Variants in KMT2D observed in about 807,000 individuals in gnomAD.
KMT2D encodes lysine methyltransferase 2D.
A neutral mutation model predicts 512.7 loss-of-function variants in KMT2D; 55 were observed. That is an observed-to-expected ratio of 0.11 (90% CI 0.09 to 0.13). KMT2D has a LOEUF of 0.13. Among genes scored for constraint, KMT2D ranks in the 10% least tolerant of loss-of-function variants. KMT2D has a pLI of 1.00. For missense variants in KMT2D, 6,061 were observed against 7,127.9 expected (o/e 0.85, Z 5.39); for synonymous variants, 2,995 against 2,904.0 (o/e 1.03, Z -1.01).
At position 49,051,000 on chromosome 12, in the gene KMT2D, G is replaced by A. The variant is rs2120661485; in HGVS notation, c.2683C>T (p.Leu895Phe). ...PPGEPSLSPL[L>F]GEPALSEPGE... Reference sequence around the variant, plus strand: ...GGCTCAGACAGGGCTGGCTCTCCAAGCAAGGGAGATAAGGATGGTTCCCCA... The same window carrying A: ...GGCTCAGACAGGGCTGGCTCTCCAAACAAGGGAGATAAGGATGGTTCCCCA... The change falls in exon 11 of 55, where the codon CTT (leucine) becomes TTT (phenylalanine). Residue 895 changes from leucine to phenylalanine, a missense_variant. Around this residue, in one of 16 missense-constraint regions of KMT2D, gnomAD observed 848 missense variants for 838.5 expected, o/e 1.01. Coordinates refer to ENST00000301067, the MANE Select transcript of KMT2D (RefSeq NM_003482.4). 2 of 1,571,778 alleles carry A rather than the reference G, an allele frequency of 1.3e-6. No individual in the cohort carries two copies. The highest frequency in any genetic ancestry group is 2.7e-5 in the African/African-American group (2 of 73,604).
Position 49,042,409 on chromosome 12 carries a change from C to T in KMT2D, c.5868-79G>A. On this transcript the variant is annotated intron_variant, in intron 28 of 54. Coordinates refer to ENST00000301067, the MANE Select transcript of KMT2D (RefSeq NM_003482.4). The surrounding 1 kb of genome is among the most constrained non-coding windows in gnomAD (Gnocchi z 4.4). ...AGACAAACTGCCTAGAGCCCCAGGC[C>T]ACTGCCCTGCCCCAAAAGAGGAGGG... 2.0e-6 allele frequency: 3 copies of T among 1,496,992 alleles called. No individual in the cohort carries two copies. The highest frequency in any genetic ancestry group is 2.7e-6 in the Non-Finnish European group (3 of 1,118,308). The allele number at this position is 1,496,992 out of a possible 1,614,324, so 92.7% of individuals were successfully genotyped here.
rs781467355 is a variant in KMT2D at position 49,027,265 on chromosome 12, G to C, written c.14701C>G (p.Leu4901Val). The C allele has an allele frequency of 4.2e-5, 66 of 1,555,520 alleles. No homozygotes were observed. Among genetic ancestry groups the C allele is most frequent in the Non-Finnish European group, 5.5e-5 (64 of 1,154,000 alleles). Residue 4901 changes from leucine (L) to valine (V), a missense_variant, in exon 49 of 55, where the codon CTG (leucine) becomes GTG (valine). Around this residue, in one of 16 missense-constraint regions of KMT2D, gnomAD observed 1,600 missense variants for 1,754.9 expected, o/e 0.91. Coordinates refer to ENST00000301067, the MANE Select transcript of KMT2D (RefSeq NM_003482.4). ...QHSYTYNVSN[L>V]DVRQLSAPPP... ...GGGGCCGAGAGCTGTCGCACATCCAGATTGGAGACATTGTAGGTATAGCTG... is the reference window on the plus strand; with the variant it reads ...GGGGCCGAGAGCTGTCGCACATCCACATTGGAGACATTGTAGGTATAGCTG...
Position 49,039,844 on chromosome 12 carries a change from G to C in KMT2D, c.7926C>G (p.Val2642=), listed in dbSNP as rs368249592. 1 of 1,614,014 alleles carries C rather than the reference G, an allele frequency of 6.2e-7. No individual in the cohort carries two copies. The highest frequency in any genetic ancestry group is 2.2e-5 in the East Asian group (1 of 44,876). ...CAGTCCCTGGGTCTTCTCGCTTTTC[G>C]ACAGGAGAGGTGATGCCTGATCGCT... ...ASQRSGITSP[V]EKREDPGTGM... Residue 2642 remains valine (V), a synonymous_variant, in exon 32 of 55, where the codon GTC becomes GTG. Coordinates refer to ENST00000301067, the MANE Select transcript of KMT2D (RefSeq NM_003482.4). The surrounding 1 kb of genome is among the most constrained non-coding windows in gnomAD (Gnocchi z 5.0).
chr12:49,021,132 G>GGCTTGCCCA lies in KMT2D; in HGVS notation c.*639_*647dup, dbSNP rs1230398763. The GGCTTGCCCA allele has an allele frequency of 1.5e-5, 3 of 198,984 alleles. No individual in the cohort carries two copies. The highest frequency in any genetic ancestry group is 3.1e-5 in the Non-Finnish European group (3 of 96,198). The allele number at this position is 198,984 out of a possible 1,614,324, so 12.3% of individuals were successfully genotyped here. On this transcript the variant is annotated 3_prime_UTR_variant, in exon 55 of 55. Transcript: ENST00000301067. ...GTGTGGGTGCGGGGTCTCCTTGCCC[G>GGCTTGCCCA]GCTTGCCCAGCTTGCCCTCCTAGGC... is the stretch of plus-strand genomic sequence containing the variant.
chr12:49,058,363 T>C (rs559495647), intron 1 of KMT2D, among the ~76,000 whole-genome samples: 1 of 152,328 alleles, frequency 6.6e-6, no homozygotes, highest in South Asian at 2.1e-4. Context: ...ACCTCTCACC[T>C]TTCAGAAATC....
chr12:49,056,506 TAGA>T lies in KMT2D; in HGVS notation c.-37-1148_-37-1146del, dbSNP rs137907153. ...CACGAAGAATAGGAAAGGGATTCTA[TAGA>T]AGGAGGGAGAAAGTGGTAAGTGTTA... On this transcript the variant is annotated intron_variant, in intron 1 of 54. Transcript: ENST00000301067. Among the ~76,000 whole-genome samples the T allele has an allele frequency of 5.4e-3, 824 of 152,182 alleles. 3 individuals are homozygous for T. The highest frequency in any genetic ancestry group is 1.0e-2 in the Non-Finnish European group (678 of 68,014).
chr12:49,058,526 C>T (rs1938546659), intron 1 of KMT2D, among the ~76,000 whole-genome samples: 1 of 152,158 alleles, frequency 6.6e-6, no homozygotes, highest in African/African-American at 2.4e-5. Context: ...GCAGTCCCAG[C>T]CCAAGCAAGG....
In KMT2D at chr12:49,019,932, A is replaced by C. The variant is rs1942226828; in HGVS notation, c.*1848T>G. ...CCGCCCGTCCACCACCACCAAGCCC[A>C]CCCCTACACTCCAGACATCTGATTC... On this transcript the variant is annotated 3_prime_UTR_variant, in exon 55 of 55. Coordinates refer to ENST00000301067, the MANE Select transcript of KMT2D (RefSeq NM_003482.4). The C allele has an allele frequency of 4.5e-6, 1 of 222,168 alleles. No homozygotes were observed. Among genetic ancestry groups the C allele is most frequent in the Non-Finnish European group, 8.9e-6 (1 of 112,080 alleles). The allele number at this position is 222,168 out of a possible 1,614,324, so 13.8% of individuals were successfully genotyped here.
At chr12:49,057,550 A>G (rs1409784818) in intron 1 of KMT2D, among the ~76,000 whole-genome samples, 1 of 152,192 alleles carries the variant, frequency 6.6e-6, no homozygotes, top group Non-Finnish European at 1.5e-5. Flanking sequence ...GCCATGGAAG[A>G]TGAGAGATTA....
intron 54 of KMT2D, 33 bp from the exon 55 acceptor site, chr12:49,021,905 TC>T: frequency 6.3e-7 from 1 of 1,590,162 alleles, no homozygotes; most frequent in Non-Finnish European, 8.6e-7. Flanking sequence ...TCAATGCTAG[TC>T]CCCCACAGGA....
rs1367511181 is a variant in KMT2D, at chr12:49,019,072, G to A, written c.*2708C>T. ...CCTTTGCCTCTCGCAACATAAATAT[G>A]TACAGTTCAGAATGATCGCTGATAC... On this transcript the variant is annotated 3_prime_UTR_variant, in exon 55 of 55. Transcript: ENST00000301067. The A allele has an allele frequency of 3.8e-6, 5 of 1,318,820 alleles. No individual in the cohort carries two copies. The highest frequency in any genetic ancestry group is 3.6e-5 in the Admixed American group (1 of 28,088). The allele number at this position is 1,318,820 out of a possible 1,614,324, so 81.7% of individuals were successfully genotyped here. A position where few individuals can be genotyped will look rare whatever the true frequency, so the allele number is the denominator to read the frequency against.
In KMT2D at chr12:49,026,260, T is replaced by C. The variant is rs2137715019; in HGVS notation, c.15706A>G (p.Asn5236Asp). 6.2e-7 allele frequency: 1 copy of C among 1,607,182 alleles called. No individual in the cohort carries two copies. Among genetic ancestry groups the C allele is most frequent in the Non-Finnish European group, 8.5e-7 (1 of 1,174,058 alleles). Residue 5236 changes from asparagine (N) to aspartate (D), a missense_variant, in exon 49 of 55, where the codon AAC becomes GAC. By Grantham distance (23) the Asn-to-Asp change is conservative. This residue lies in a region of KMT2D where 261 missense variants were observed against 440.7 expected (regional missense o/e 0.59). Coordinates refer to ENST00000301067, the MANE Select transcript of KMT2D (RefSeq NM_003482.4). This position sits in a 1 kb window ranked among gnomAD's most constrained non-coding sequence, Gnocchi z 9.6. ...TTGATTACAAACTCCGGCCGCCCGT[T>C]GTTCTCACCAATAGAACAGCGATAG... Reference protein sequence around the residue: ...CCYRCSIGENNGRPEFVIKVI... With the variant: ...CCYRCSIGENDGRPEFVIKVI...
rs398123732 is a variant in KMT2D, at chr12:49,024,673, GAATA to G, written c.15953_15956del (p.Leu5318SerfsTer14). 2 of 1,613,890 alleles carry G rather than the reference GAATA, an allele frequency of 1.2e-6. No homozygotes were observed. The highest frequency in any genetic ancestry group is 1.7e-6 in the Non-Finnish European group (2 of 1,179,856). ...CCATAAGGGGGTGGCGCCCATAGCG[GAATA>G]AATAGTTTTGACAGCTCTCCACCCC... On this transcript the variant is annotated frameshift_variant, in exon 51 of 55. Coordinates refer to ENST00000301067, the MANE Select transcript of KMT2D (RefSeq NM_003482.4). LOFTEE classifies it high-confidence loss of function. This position sits in a 1 kb window ranked among gnomAD's most constrained non-coding sequence, Gnocchi z 4.5.
chr12:49,051,950 T>G lies in KMT2D; in HGVS notation c.1733A>C (p.Glu578Ala). The change falls in exon 11 of 55, where the codon GAG (glutamate) becomes GCG (alanine). Residue 578 changes from glutamate (E) to alanine (A), a missense_variant. Transcript: ENST00000301067. ...EASRLSPPPEESPMSPPPEES... is the reference protein window; with the variant it reads ...EASRLSPPPEASPMSPPPEES... ...TTCAGGTGGAGGGGACATGGGTGAC[T>G]CCTCAGGTGGTGGAGACAGGCGAGA... The G allele has an allele frequency of 6.2e-7, 1 of 1,613,088 alleles. No individual in the cohort carries two copies. The highest frequency in any genetic ancestry group is 1.3e-5 in the African/African-American group (1 of 74,724).
rs1943349087 is a variant in KMT2D at position 49,038,820 on chromosome 12, C to G, written c.8536G>C (p.Gly2846Arg). ...AACGGGGAACCTAGGGCTTGGCGGC[C>G]AAGTTCAGGTCCAGGAGTTGATGGA... ...RFPSTPGPEL[G>R]RQALGSPLAG... The change falls in exon 35 of 55, where the codon GGC becomes CGC. Residue 2846 changes from glycine (G) to arginine (R), a missense_variant. By Grantham distance (125) the Gly-to-Arg change is moderately radical. Around this residue, in one of 16 missense-constraint regions of KMT2D, gnomAD observed 527 missense variants for 578.9 expected, o/e 0.91. Transcript: ENST00000301067. This position sits in a 1 kb window ranked among gnomAD's most constrained non-coding sequence, Gnocchi z 5.7. 6.4e-7 allele frequency: 1 copy of G among 1,564,622 alleles called. No individual in the cohort carries two copies. The highest frequency in any genetic ancestry group is 8.7e-7 in the Non-Finnish European group (1 of 1,154,222).
rs1464807705 is a variant in KMT2D, at chr12:49,029,448, C to A, written c.14028G>T (p.Leu4676=). ...RDTSEVKSLD[L]LAALPTPPHN... ...GAGGGGGTGTAGGCAAGGCAGCCAG[C>A]AGGTCTAGACTCTTCACCTCTGAAG... Residue 4676 remains leucine, a synonymous_variant, in exon 44 of 55, where the codon CTG becomes CTT. Coordinates refer to ENST00000301067, the MANE Select transcript of KMT2D (RefSeq NM_003482.4). 3.2e-6 allele frequency: 5 copies of A among 1,556,984 alleles called. No individual in the cohort carries two copies. The highest frequency in any genetic ancestry group is 3.5e-6 in the Non-Finnish European group (4 of 1,149,690).
At position 49,054,051 on chromosome 12, in the gene KMT2D, G is replaced by A. The variant is rs375344369; in HGVS notation, c.600C>T (p.Ala200=). ...PRLYHFPCAT[A]SGSFLSMKTL... ...TTTTCATGGATAGGAAGGAACCGCT[G>A]GCAGTCGCGCAGGGGAAGTGGTAAA... The change falls in exon 6 of 55, where the codon GCC becomes GCT. Residue 200 remains alanine (A), a synonymous_variant. Transcript: ENST00000301067. This position sits in a 1 kb window ranked among gnomAD's most constrained non-coding sequence, Gnocchi z 6.4. 1.2e-6 allele frequency: 2 copies of A among 1,613,978 alleles called. No homozygotes were observed. Among genetic ancestry groups the A allele is most frequent in the South Asian group, 1.1e-5 (1 of 91,080 alleles).
chr12:49,050,374 C>T lies in KMT2D; in HGVS notation c.3214G>A (p.Glu1072Lys), dbSNP rs756805095. 5.6e-6 allele frequency: 9 copies of T among 1,612,642 alleles called. No homozygotes were observed. In the Admixed American group the frequency reaches 6.7e-5, roughly 12 times the overall value. Reference sequence around the variant, plus strand: ...TCTGAAACTTTCTCAGTCTCCATCTCGTGCAGCTCAGCCTCATCTGAGACC... The same window carrying T: ...TCTGAAACTTTCTCAGTCTCCATCTTGTGCAGCTCAGCCTCATCTGAGACC... ...VGVSDEAELH[E>K]METEKVSEPE... Residue 1072 changes from glutamate to lysine, a missense_variant, in exon 12 of 55, where the codon GAG becomes AAG. Physicochemically the swap from Glu to Lys is moderately conservative, Grantham distance 56. This residue lies in a region of KMT2D where 447 missense variants were observed against 500.1 expected (regional missense o/e 0.89). Coordinates refer to ENST00000301067, the MANE Select transcript of KMT2D (RefSeq NM_003482.4).
Position 49,046,296 on chromosome 12 carries a change from T to C in KMT2D, c.4547A>G (p.Glu1516Gly), listed in dbSNP as rs2120603958. 3.7e-6 allele frequency: 6 copies of C among 1,613,960 alleles called. No homozygotes were observed. The highest frequency in any genetic ancestry group is 5.1e-6 in the Non-Finnish European group (6 of 1,179,878). Residue 1516 changes from glutamate to glycine, a missense_variant, in exon 17 of 55, where the codon GAA becomes GGA. This residue lies in a region of KMT2D where 640 missense variants were observed against 814.3 expected (regional missense o/e 0.79). Transcript: ENST00000301067. The surrounding 1 kb of genome is among the most constrained non-coding windows in gnomAD (Gnocchi z 4.2). The stretch of plus-strand genomic sequence containing the variant: ...GCGGCACTGGATTAGTAGGTCCTCT[T>C]CTACGTAAGGAGCATGACAGATAGG... Reference protein sequence around the residue: ...TCPICHAPYVEEDLLIQCRHC... With the variant: ...TCPICHAPYVGEDLLIQCRHC...
Sources: gnomAD v4.1 joint callset for allele counts (sites outside exome capture counted in the v4.1 genomes callset) on GRCh38, gnomAD v4.1.1 for gene constraint, gnomAD v4.1.1 regional missense constraint, Gnocchi (gnomAD v3.1) non-coding constraint, MANE v1.5 for transcripts, NCBI Gene and HGNC (gene_info 2026-07-23, HGNC 2026-07-21) for gene names.